The following DOCK4 variants were observed in gnomAD, a reference collection of about 807,000 sequenced individuals.
DOCK4 encodes dedicator of cytokinesis protein 4.
Under a neutral mutation model 268.1 loss-of-function variants are expected in DOCK4, and 97 were observed. That is an observed-to-expected ratio of 0.36 (90% CI 0.31 to 0.43). The LOEUF is 0.43. Ranked by LOEUF, DOCK4 falls within the 20% of genes least tolerant of loss-of-function variation. The pLI, the probability that DOCK4 is intolerant of heterozygous loss-of-function variation, is 1.00. For synonymous variants in DOCK4, 954 were observed against 887.2 expected, an observed-to-expected ratio of 1.08 and a Z score of -1.34; for missense variants, 2,145 against 2,455.7, an observed-to-expected ratio of 0.87 and a Z score of 2.67.
intron 1 of DOCK4, among the ~76,000 whole-genome samples, chr7:112,088,085 G>C (rs1366791902): frequency 2.0e-5 from 3 of 152,072 alleles, no homozygotes; most frequent in African/African-American, 7.2e-5. Flanking sequence ...CGTGGGACAA[G>C]GTCCCGTATG....
intron 22 of DOCK4, among the ~76,000 whole-genome samples, chr7:111,866,765 G>A (rs974008577): frequency 2.0e-5 from 3 of 152,192 alleles, no homozygotes; most frequent in African/African-American, 4.8e-5. Flanking sequence ...GTGTGAATTA[G>A]GCAAGTTTCA....
At position 111,874,560 on chromosome 7, in the gene DOCK4, A is replaced by C. The variant is rs528120435; in HGVS notation, c.1745-1996T>G. Among the ~76,000 whole-genome samples the C allele has an allele frequency of 5.3e-5, 8 of 152,346 alleles. No homozygotes were observed. The South Asian group carries it at 1.7e-3, about 32-fold the overall frequency. On this transcript the variant is annotated intron_variant, in intron 17 of 52. Transcript: ENST00000428084. ...CATGTATGCAAAATACTTCAAGTTC[A>C]GGCAAAATTGCTGTATCCTAGCTTT...
At chr7:111,988,856 G>A (rs185733356) in intron 6 of DOCK4, among the ~76,000 whole-genome samples, 159 bp downstream of exon 6, 11 of 152,216 alleles carry the variant, frequency 7.2e-5, no homozygotes, top group African/African-American at 2.2e-4. Context: ...AATGGTTCTC[G>A]GCTCTATCAA....
At chr7:112,131,637 A>G (rs1813809769) in intron 1 of DOCK4, among the ~76,000 whole-genome samples, 1 of 152,216 alleles carries the variant, frequency 6.6e-6, no homozygotes, top group Non-Finnish European at 1.5e-5. Context: ...TACATACATT[A>G]TTTATTCACT....
chr7:111,848,334 C>T (rs1304502681), intron 23 of DOCK4, among the ~76,000 whole-genome samples: 1 of 152,162 alleles, frequency 6.6e-6, no homozygotes, highest in African/African-American at 2.4e-5. Context: ...GGCTGTGTAA[C>T]CTGAGAAGCC....
At chr7:111,762,921 C>G (rs745438471) in intron 39 of DOCK4, among the ~76,000 whole-genome samples, 1 of 151,362 alleles carries the variant, frequency 6.6e-6, no homozygotes, top group Non-Finnish European at 1.5e-5. Flanking sequence ...CGCACGCCAC[C>G]GAACCTGGCA....
At chr7:111,917,778 C>A (rs1792740394) in intron 12 of DOCK4, among the ~76,000 whole-genome samples, 1 of 151,916 alleles carries the variant, frequency 6.6e-6, no homozygotes, top group African/African-American at 2.4e-5. Flanking sequence ...AGATTTAGAA[C>A]CTCTATCTAC....
At chr7:112,061,739 TCACACACACACACACA>T (rs61696712) in intron 1 of DOCK4, among the ~76,000 whole-genome samples, 9 of 137,140 alleles carry the variant, frequency 6.6e-5, no homozygotes, top group East Asian at 4.3e-4. Context: ...ATTAACAATG[TCACACACACACACACA>T]CACACACACA....
At chr7:111,953,052 C>A (rs1796178440) in intron 8 of DOCK4, among the ~76,000 whole-genome samples, 1 of 151,916 alleles carries the variant, frequency 6.6e-6, no homozygotes, top group African/African-American at 2.4e-5. Context: ...AGGGTGAAAC[C>A]TTGTCTCTAC....
At chr7:111,851,068 ACC>A (rs1804507035) in intron 23 of DOCK4, among the ~76,000 whole-genome samples, 2 of 152,210 alleles carry the variant, frequency 1.3e-5, no homozygotes, top group Non-Finnish European at 2.9e-5. Flanking sequence ...AAAAACAAAA[ACC>A]CTCTATCCTT....
At chr7:112,153,801 C>A (rs1429956780) in intron 1 of DOCK4, among the ~76,000 whole-genome samples, 1 of 152,142 alleles carries the variant, frequency 6.6e-6, no homozygotes, top group Non-Finnish European at 1.5e-5. Context: ...TTCTACCAAG[C>A]CCAGTTATTG....
intron 8 of DOCK4, among the ~76,000 whole-genome samples, chr7:111,959,298 C>T (rs747474463): frequency 6.6e-6 from 1 of 152,170 alleles, no homozygotes; most frequent in Non-Finnish European, 1.5e-5. Context: ...AAGTTGTACT[C>T]CCTGCACGTC....
In DOCK4 at chr7:111,746,387, G is replaced by A. The variant is rs1211176180; in HGVS notation, c.4624C>T (p.His1542Tyr). The A allele has an allele frequency of 6.2e-7, 1 of 1,612,440 alleles. No homozygotes were observed. The highest frequency in any genetic ancestry group is 1.3e-5 in the African/African-American group (1 of 75,034). The change falls in exon 44 of 53, where the codon CAC becomes TAC. Residue 1542 changes from histidine to tyrosine, a missense_variant. This residue lies in a region of DOCK4 where 1,598 missense variants were observed against 1,986.7 expected (regional missense o/e 0.80). Transcript: ENST00000428084. ...AFFVKEYILS[H>Y]PEDGEKIARL... is the part of the protein sequence containing the mutation. ...GCAATTTTCTCCCCATCTTCAGGGT[G>A]ACTTAAGATATATTCTTTGACAAAG...
In DOCK4 at chr7:111,783,291, G is replaced by A. The variant is rs375525284; in HGVS notation, c.3525-367C>T. On this transcript the variant is annotated intron_variant, in intron 34 of 52. Transcript: ENST00000428084. ...GGGTGAGAAGTGGCTGGTAAGCCTG[G>A]CCATTAACAATGAGAATGAGGGTTT... is the stretch of plus-strand genomic sequence containing the variant. Among the ~76,000 whole-genome samples the A allele has an allele frequency of 2.8e-4, 43 of 152,200 alleles. No individual in the cohort carries two copies. In the South Asian group the frequency reaches 8.5e-3, roughly 30 times the overall value.
At chr7:112,167,350 C>T (rs892275279) in intron 1 of DOCK4, among the ~76,000 whole-genome samples, 2 of 152,116 alleles carry the variant, frequency 1.3e-5, no homozygotes, top group Middle Eastern at 3.4e-3. Flanking sequence ...GGCCTGTAGC[C>T]GGATGGCCTG....
intron 21 of DOCK4, among the ~76,000 whole-genome samples, chr7:111,869,278 T>C (rs923023545): frequency 6.6e-6 from 1 of 152,186 alleles, no homozygotes; most frequent in African/African-American, 2.4e-5. Context: ...CTGCCCCATA[T>C]AGACTTCTCT....
At chr7:111,964,175 T>C (rs1267335373) in intron 8 of DOCK4, among the ~76,000 whole-genome samples, 2 of 143,302 alleles carry the variant, frequency 1.4e-5, no homozygotes, top group African/African-American at 2.8e-5. Context: ...AGGAAAGCAG[T>C]TCCTCACCAG....
chr7:111,787,559 A>G (rs1321314079), intron 32 of DOCK4, among the ~76,000 whole-genome samples: 1 of 152,102 alleles, frequency 6.6e-6, no homozygotes, highest in Non-Finnish European at 1.5e-5. Flanking sequence ...TTTTAATGTA[A>G]TTTTCTTAAA....
At chr7:111,866,026 A>G (rs532616301) in intron 22 of DOCK4, among the ~76,000 whole-genome samples, 1 of 152,356 alleles carries the variant, frequency 6.6e-6, no homozygotes, top group African/African-American at 2.4e-5. Flanking sequence ...GCTTTAGGAG[A>G]TCCTAAGGAA....
Sources: allele counts gnomAD v4.1 joint callset (sites outside exome capture counted in the v4.1 genomes callset), GRCh38; gene constraint gnomAD v4.1.1; regional missense constraint gnomAD v4.1.1; transcripts MANE v1.5; gene names NCBI Gene and HGNC (gene_info 2026-07-23, HGNC 2026-07-21).